ZNF676: variants seen among roughly 807,000 people sequenced by gnomAD.
ZNF676 encodes the protein zinc finger protein 676.
In ZNF676, 4 loss-of-function variants were observed where a neutral mutation model predicts 6.0. The observed-to-expected ratio is 0.67, with a 90% confidence interval of 0.33 to 1.53. The LOEUF is 1.53. ZNF676 is among the 40% of genes most tolerant of loss of function. The pLI is 0.06. For missense variants in ZNF676, 644 were observed against 679.7 expected (o/e 0.95, Z 0.58); for synonymous variants, 198 against 223.1 (o/e 0.89, Z 1.00).
the ZNF676 span, among the ~76,000 whole-genome samples, chr19:22,236,673 G>A: frequency 2.0e-5 from 3 of 152,276 alleles, no homozygotes; most frequent in South Asian, 2.1e-4. Context: ...ATTGATTGAG[G>A]GGCCATGATT....
chr19:22,231,838 G>A, the ZNF676 span, among the ~76,000 whole-genome samples: 5 of 151,962 alleles, frequency 3.3e-5, no homozygotes, highest in African/African-American at 1.2e-4. Flanking sequence ...TTGACCTTGT[G>A]ATCCACCCGC....
At chr19:22,195,695 C>A (rs2023959772) in intron 1 of ZNF676, among the ~76,000 whole-genome samples, 2 of 152,160 alleles carry the variant, frequency 1.3e-5, no homozygotes, top group South Asian at 2.1e-4. Context: ...ACAAAACTTA[C>A]AATTGAAAGA....
chr19:22,253,880 G>GGCTTTGGGT, the ZNF676 span, among the ~76,000 whole-genome samples: 1 of 151,972 alleles, frequency 6.6e-6, no homozygotes, highest in Non-Finnish European at 1.5e-5. Context: ...ACCACTCAAG[G>GGCTTTGGGT]GCTTTATATA....
chr19:22,222,275 TTG>T, the ZNF676 span, among the ~76,000 whole-genome samples: 1 of 152,032 alleles, frequency 6.6e-6, no homozygotes, highest in Non-Finnish European at 1.5e-5. Flanking sequence ...TGGCTAATTT[TTG>T]TGTTTTTTAG....
the ZNF676 span, among the ~76,000 whole-genome samples, chr19:22,236,090 T>A: frequency 6.6e-6 from 1 of 151,812 alleles, no homozygotes; most frequent in East Asian, 1.9e-4. Context: ...GTCTTTTTAG[T>A]CCTTAATGGT....
At chr19:22,186,786 T>C (rs1330577789) in intron 2 of ZNF676, among the ~76,000 whole-genome samples, 1 of 152,094 alleles carries the variant, frequency 6.6e-6, no homozygotes, top group Non-Finnish European at 1.5e-5. Context: ...GAGACAAAGA[T>C]GGGCATTACA....
chr19:22,241,612 G>A, the ZNF676 span, among the ~76,000 whole-genome samples: 1 of 151,764 alleles, frequency 6.6e-6, no homozygotes, highest in Non-Finnish European at 1.5e-5. Context: ...GGCCCTGTGA[G>A]GACGGTCTCT....
At chr19:22,190,049 C>G (rs1267121990) in intron 2 of ZNF676, among the ~76,000 whole-genome samples, 1 of 152,022 alleles carries the variant, frequency 6.6e-6, no homozygotes, top group Non-Finnish European at 1.5e-5. Context: ...ATAAATCATT[C>G]TACTATAAAG....
chr19:22,257,125 G>A, the ZNF676 span, among the ~76,000 whole-genome samples: 1 of 152,130 alleles, frequency 6.6e-6, no homozygotes, highest in Non-Finnish European at 1.5e-5. Context: ...AATCTTCCTT[G>A]AAAGCAAAGA....
intron 2 of ZNF676, 139 bp downstream of exon 2, chr19:22,192,877 A>G (rs1568529595): frequency 3.1e-6 from 3 of 954,196 alleles, no homozygotes; most frequent in Non-Finnish European, 2.9e-6. Flanking sequence ...GTGTGAGAGA[A>G]AATTAAAAAA....
rs1354168615 is a variant in ZNF676 at position 22,180,273 on chromosome 19, A to ATTC, written c.1441_1443dup (p.Glu481dup). 4.3e-6 allele frequency: 7 copies of ATTC among 1,612,572 alleles called. No individual in the cohort carries two copies. Among genetic ancestry groups the ATTC allele is most frequent in the Non-Finnish European group, 5.9e-6 (7 of 1,178,814 alleles). On this transcript the variant is annotated inframe_insertion, in exon 3 of 3. Transcript: ENST00000397121. ...GAGAACGTACTAAAGCCTTTGCCAC[A>ATTC]TTCTTCACATTTGTAAGGTTTCTCT...
chr19:22,180,431 G>A lies in ZNF676; in HGVS notation c.1286C>T (p.Ala429Val). Reference sequence around the variant, plus strand: ...AGTAAGGCTTGAGGACCAGCTGAAGGCTTTGCCACATTCTTCACACTTGTA... The same window carrying A: ...AGTAAGGCTTGAGGACCAGCTGAAGACTTTGCCACATTCTTCACACTTGTA... ...KPYKCEECGK[A>V]FSWSSSLTEH... The change falls in exon 3 of 3, where the codon GCC becomes GTC. Residue 429 changes from alanine to valine, a missense_variant. Physicochemically the swap from Ala to Val is moderately conservative, Grantham distance 64 (BLOSUM62 0). Transcript: ENST00000397121. The A allele has an allele frequency of 6.2e-7, 1 of 1,613,156 alleles. No individual in the cohort carries two copies.
chr19:22,248,219 T>C, the ZNF676 span, among the ~76,000 whole-genome samples: 1 of 152,212 alleles, frequency 6.6e-6, no homozygotes, highest in African/African-American at 2.4e-5. Flanking sequence ...TGTGTGCATG[T>C]GTCTTTATAG....
upstream of ZNF676, among the ~76,000 whole-genome samples, chr19:22,219,032 G>A (rs2024222521): frequency 9.1e-6 from 1 of 109,680 alleles, no homozygotes; most frequent in Non-Finnish European, 1.7e-5. Context: ...TTAGTTTTAG[G>A]ATTTTTTTTT....
chr19:22,239,371 G>T, the ZNF676 span, among the ~76,000 whole-genome samples: 1 of 151,616 alleles, frequency 6.6e-6, no homozygotes, highest in African/African-American at 2.4e-5. Flanking sequence ...CTAGAGACAG[G>T]GTTTCACCGT....
At chr19:22,235,097 A>C in the ZNF676 span, among the ~76,000 whole-genome samples, 3 of 134,534 alleles carry the variant, frequency 2.2e-5, 1 homozygote, top group African/African-American at 9.4e-5. Context: ...AGGCAGGAAG[A>C]AGGAAGTCAG....
At chr19:22,195,273 G>T (rs557344286) in intron 1 of ZNF676, among the ~76,000 whole-genome samples, 6 of 152,068 alleles carry the variant, frequency 3.9e-5, no homozygotes, top group Non-Finnish European at 7.3e-5. Context: ...AAATTTTATG[G>T]GCTTATGGAA....
chr19:22,181,185 A>C lies in ZNF676; in HGVS notation c.532T>G (p.Phe178Val), dbSNP rs755960965. 6.2e-7 allele frequency: 1 copy of C among 1,613,994 alleles called. No individual in the cohort carries two copies. The highest frequency in any genetic ancestry group is 1.1e-5 in the South Asian group (1 of 91,076). ...TAAGTAAGGGTTGAGGACCAGTTAA[A>C]AGCTTTGCCATTTTCTTCACATTTG... ...SYKCEENGKA[F>V]NWSSTLTYYK... The change falls in exon 3 of 3, where the codon TTT (phenylalanine) becomes GTT (valine). Residue 178 changes from phenylalanine (F) to valine (V), a missense_variant. By Grantham distance (50) the Phe-to-Val change is conservative. Coordinates refer to ENST00000397121, the MANE Select transcript of ZNF676 (RefSeq NM_001001411.3).
the ZNF676 span, among the ~76,000 whole-genome samples, chr19:22,234,577 G>A: frequency 6.6e-6 from 1 of 152,104 alleles, no homozygotes; most frequent in Non-Finnish European, 1.5e-5. Flanking sequence ...CCAGTAACAG[G>A]CCAAGAGTTG....
Sources: allele counts gnomAD v4.1 joint callset (sites outside exome capture counted in the v4.1 genomes callset), GRCh38; gene constraint gnomAD v4.1.1; transcripts MANE v1.5; gene names NCBI Gene and HGNC (gene_info 2026-07-23, HGNC 2026-07-21).